FBXO34: variants seen among roughly 807,000 people sequenced by gnomAD.
The protein encoded by FBXO34 is F-box only protein 34.
A neutral mutation model predicts 24.5 loss-of-function variants in FBXO34; 12 were observed. That is an observed-to-expected ratio of 0.49 (90% CI 0.31 to 0.79). FBXO34 has a LOEUF of 0.79. Among genes scored for constraint, FBXO34 ranks in the 30% least tolerant of loss-of-function variants. The pLI is 0.04. For synonymous variants in FBXO34, 320 were observed against 311.9 expected, an observed-to-expected ratio of 1.03 and a Z score of -0.27; for missense variants, 823 against 857.7, an observed-to-expected ratio of 0.96 and a Z score of 0.51.
downstream of FBXO34, among the ~76,000 whole-genome samples, chr14:55,364,065 C>T (rs570232408): frequency 4.6e-5 from 7 of 152,194 alleles, no homozygotes; most frequent in East Asian, 1.4e-3. Context: ...ATTCTCCTGC[C>T]TCAGCCTCCC....
chr14:55,353,873 A>T (rs1335537417), downstream of FBXO34, among the ~76,000 whole-genome samples: 1 of 152,146 alleles, frequency 6.6e-6, no homozygotes, highest in African/African-American at 2.4e-5. Context: ...CAGCTTATCT[A>T]GGCGTCATCA....
chr14:55,395,587 C>T, the FBXO34 span, among the ~76,000 whole-genome samples: 3 of 152,170 alleles, frequency 2.0e-5, no homozygotes, highest in South Asian at 2.1e-4. Context: ...TCTCCCCACT[C>T]CAAGATTATG....
the FBXO34 span, among the ~76,000 whole-genome samples, chr14:55,420,986 G>A: frequency 1.3e-4 from 20 of 151,042 alleles, no homozygotes; most frequent in Admixed American, 9.2e-4. Flanking sequence ...GCGTGAACCC[G>A]GGAGGCGGAG....
rs189417527 is a variant in FBXO34 at position 55,297,309 on chromosome 14, A to C, written c.-11+25772A>C. Among the ~76,000 whole-genome samples, 270 of 152,324 alleles carry C rather than the reference A, an allele frequency of 1.8e-3. 4 individuals carry two copies. The highest frequency in any genetic ancestry group is 0.018 in the Admixed American group (269 of 15,298). ...TTAACTCCTATGTCAGTATTAACACAGAGTAGTTCAAATGTTGCAGTCAGA... is the reference window on the plus strand; with the variant it reads ...TTAACTCCTATGTCAGTATTAACACCGAGTAGTTCAAATGTTGCAGTCAGA... On this transcript the variant is annotated intron_variant, in intron 1 of 1. Transcript: ENST00000313833.
intron 1 of FBXO34, among the ~76,000 whole-genome samples, chr14:55,333,278 A>G (rs1883661479): frequency 6.6e-6 from 1 of 152,214 alleles, no homozygotes; most frequent in Non-Finnish European, 1.5e-5. Flanking sequence ...GGAGTTTTGT[A>G]TAATTTCTGA....
intron 1 of FBXO34, among the ~76,000 whole-genome samples, chr14:55,349,607 CTTTTTTT>C (rs57284715): frequency 2.6e-5 from 3 of 116,610 alleles, no homozygotes; most frequent in Admixed American, 1.9e-4. Context: ...CAATAATTTT[CTTTTTTT>C]TTTTTTTTTT....
At chr14:55,275,918 G>T (rs1406298099) in intron 1 of FBXO34, among the ~76,000 whole-genome samples, 1 of 151,376 alleles carries the variant, frequency 6.6e-6, no homozygotes, top group East Asian at 1.9e-4. Flanking sequence ...TAGAAACTCA[G>T]TTAAAAAGAA....
the FBXO34 span, among the ~76,000 whole-genome samples, chr14:55,430,807 C>T: frequency 1.3e-5 from 2 of 152,202 alleles, no homozygotes; most frequent in Non-Finnish European, 2.9e-5. Context: ...GGCCATGTCC[C>T]CAGGTTAGCA....
chr14:55,274,285 A>G (rs888375752), intron 1 of FBXO34, among the ~76,000 whole-genome samples: 4 of 152,234 alleles, frequency 2.6e-5, no homozygotes, highest in African/African-American at 4.8e-5. Context: ...AATAAATGTC[A>G]TAGTGCATAC....
At chr14:55,342,652 C>T (rs1391769981) in intron 1 of FBXO34, among the ~76,000 whole-genome samples, 2 of 152,162 alleles carry the variant, frequency 1.3e-5, no homozygotes, top group African/African-American at 4.8e-5. Flanking sequence ...CCTATATTCA[C>T]ACCCTCCTGG....
chr14:55,369,005 GGAAA>G (rs908300536), downstream of FBXO34: 1 of 152,540 alleles, frequency 6.6e-6, no homozygotes, highest in South Asian at 2.1e-4. Context: ...GGTGTGTGGG[GGAAA>G]GAAAAACAGG....
rs935093918 is a variant in FBXO34 at position 55,308,105 on chromosome 14, C to T, written c.-11+36568C>T. On this transcript the variant is annotated intron_variant, in intron 1 of 1. Coordinates refer to ENST00000313833, the MANE Select transcript of FBXO34 (RefSeq NM_017943.4). ...GTGTTGCCGTGTAAGAGTGACTTTG[C>T]ACCTCATTCACCTGCTATGATTGTG... Among the ~76,000 whole-genome samples, 10 of 152,292 alleles carry T rather than the reference C, an allele frequency of 6.6e-5. No individual in the cohort carries two copies. The South Asian group carries it at 1.7e-3, about 25-fold the overall frequency.
rs148101830 is a variant in FBXO34 at position 55,300,526 on chromosome 14, C to T, written c.-11+28989C>T. ...AGAAGAATCACTTGAATCCGGGAGG[C>T]GGAGGTTGCAGTGAGCTGAGATTGT... On this transcript the variant is annotated intron_variant, in intron 1 of 1. Transcript: ENST00000313833. Among the ~76,000 whole-genome samples the T allele has an allele frequency of 7.7e-3, 1,168 of 152,282 alleles. 12 individuals are homozygous for T. The highest frequency in any genetic ancestry group is 0.023 in the African/African-American group (940 of 41,568).
chr14:55,291,744 G>A (rs1566542701), intron 1 of FBXO34, among the ~76,000 whole-genome samples: 1 of 152,076 alleles, frequency 6.6e-6, no homozygotes. Context: ...GCCAAGGCAG[G>A]AGAATTGCTT....
chr14:55,391,023 CGTT>C, the FBXO34 span: 13 of 1,506,874 alleles, frequency 8.6e-6, no homozygotes, highest in Admixed American at 9.1e-5. Context: ...ATATCACAAA[CGTT>C]GGTCTCTTAT....
Position 55,309,599 on chromosome 14 carries a change from A to C in FBXO34, c.-11+38062A>C, listed in dbSNP as rs569255144. Among the ~76,000 whole-genome samples, 50 of 152,294 alleles carry C rather than the reference A, an allele frequency of 3.3e-4. 1 individual carries two copies. The highest frequency in any genetic ancestry group is 1.2e-3 in the African/African-American group (50 of 41,560). ...CCCACACAACACATGTACTGCATAA[A>C]ATTATTTCTGAAACAGAAAATCATT... On this transcript the variant is annotated intron_variant, in intron 1 of 1. Transcript: ENST00000313833.
At chr14:55,390,870 G>A in the FBXO34 span, 1 of 1,364,108 alleles carries the variant, frequency 7.3e-7, no homozygotes, top group Non-Finnish European at 1.0e-6. Context: ...ATTCCACATA[G>A]GCACTTTCTA....
chr14:55,440,417 G>A, the FBXO34 span: 28 of 1,612,734 alleles, frequency 1.7e-5, no homozygotes, highest in African/African-American at 2.7e-5. Context: ...ACTGGTCCAG[G>A]TAGAGCTCCA....
At chr14:55,332,912 A>T (rs994583363) in intron 1 of FBXO34, among the ~76,000 whole-genome samples, 4 of 152,200 alleles carry the variant, frequency 2.6e-5, no homozygotes, top group Admixed American at 2.0e-4. Flanking sequence ...GGGGAGAAGG[A>T]TTGATCAGCT....
Sources: gnomAD v4.1 joint callset for allele counts (sites outside exome capture counted in the v4.1 genomes callset) on GRCh38, gnomAD v4.1.1 for gene constraint, MANE v1.5 for transcripts, NCBI Gene and HGNC (gene_info 2026-07-23, HGNC 2026-07-21) for gene names.